Variants in KLHL32 observed in about 807,000 individuals in gnomAD.
The protein encoded by KLHL32 is kelch-like protein 32.
In KLHL32, 35 loss-of-function variants were observed where a neutral mutation model predicts 64.8. That is an observed-to-expected ratio of 0.54 (90% confidence interval 0.41 to 0.72). The LOEUF (loss-of-function observed/expected upper bound fraction) is 0.72, where lower values mean the gene tolerates loss of function less well. Ranked by LOEUF, KLHL32 falls within the 30% of genes least tolerant of loss-of-function variation. KLHL32 has a pLI of 0.00. For synonymous variants in KLHL32, 259 were observed against 281.0 expected (o/e 0.92, Z 0.78); for missense variants, 589 against 768.5 (o/e 0.77, Z 2.76).
chr6:97,022,762 G>A (rs1485159246), intron 3 of KLHL32, among the ~76,000 whole-genome samples: 3 of 152,244 alleles, frequency 2.0e-5, no homozygotes, highest in East Asian at 1.9e-4. Flanking sequence ...GAGCCATGGC[G>A]CCCAGCCCTG....
chr6:96,913,403 G>T, the KLHL32 span, among the ~76,000 whole-genome samples: 41,487 of 152,030 alleles, frequency 0.27, 5,888 homozygotes, highest in East Asian at 0.45. Context: ...CACTTTAAAT[G>T]GATACATACC....
At chr6:97,005,030 G>A (rs559068355) in intron 3 of KLHL32, among the ~76,000 whole-genome samples, 9 of 152,080 alleles carry the variant, frequency 5.9e-5, no homozygotes, top group Non-Finnish European at 1.2e-4. Context: ...CCTCCCCAAT[G>A]TTTTTGAATA....
At chr6:96,986,265 G>C (rs1460261574) in intron 3 of KLHL32, among the ~76,000 whole-genome samples, 1 of 152,162 alleles carries the variant, frequency 6.6e-6, no homozygotes, top group Non-Finnish European at 1.5e-5. Flanking sequence ...GGCCGTGTGA[G>C]GTGTCAGTCT....
chr6:97,027,022 CGTGGTG>C (rs1187710129), intron 3 of KLHL32, among the ~76,000 whole-genome samples: 6 of 151,790 alleles, frequency 4.0e-5, no homozygotes, highest in African/African-American at 1.5e-4. Flanking sequence ...ACCAGCTGGG[CGTGGTG>C]GCGTGCACCT....
At chr6:97,113,692 G>C in intron 6 of KLHL32, 91 bp from the exon 7 acceptor site, 1 of 1,436,608 alleles carries the variant, frequency 7.0e-7, no homozygotes, top group South Asian at 1.3e-5. Flanking sequence ...TTACCTGCCT[G>C]GAAGAATACA....
At position 96,928,291 on chromosome 6, in the gene KLHL32, A is replaced by G. The variant is rs74932422; in HGVS notation, c.-66+3265A>G. On this transcript the variant is annotated intron_variant, in intron 1 of 10. Transcript: ENST00000369261. ...ATCCTTATAGCTATTGAAAGATGGG[A>G]GTCTCCACCAGACAGTCTGTTGGAA... 1.1e-3 allele frequency among the ~76,000 whole-genome samples: 172 copies of G among 152,296 alleles called. 4 individuals carry two copies. In the East Asian group the frequency reaches 0.028, roughly 25 times the overall value.
At chr6:96,953,919 G>T (rs1228878327) in intron 1 of KLHL32, among the ~76,000 whole-genome samples, 1 of 150,146 alleles carries the variant, frequency 6.7e-6, no homozygotes, top group Non-Finnish European at 1.5e-5. Context: ...CTCTCCTCTA[G>T]CTGTAAATTG....
chr6:97,007,094 G>C (rs1191261395), intron 3 of KLHL32, among the ~76,000 whole-genome samples: 2 of 152,024 alleles, frequency 1.3e-5, no homozygotes, highest in Non-Finnish European at 2.9e-5. Flanking sequence ...TTTCTAAGTT[G>C]CTTGTTTTTT....
chr6:96,943,247 C>T (rs1007277188), intron 1 of KLHL32, among the ~76,000 whole-genome samples: 2 of 152,086 alleles, frequency 1.3e-5, no homozygotes, highest in African/African-American at 4.8e-5. Context: ...TTATTCTTTT[C>T]CTCAAAATGG....
chr6:97,139,097 GCTT>G (rs1162114553), intron 10 of KLHL32, 21 bp from the exon 11 acceptor site: 1 of 1,596,450 alleles, frequency 6.3e-7, no homozygotes, highest in East Asian at 2.2e-5. Flanking sequence ...TGATACACAA[GCTT>G]CTTCTCTTCC....
At chr6:96,996,503 T>C (rs183762168) in intron 3 of KLHL32, among the ~76,000 whole-genome samples, 34 of 152,126 alleles carry the variant, frequency 2.2e-4, no homozygotes, top group African/African-American at 7.7e-4. Flanking sequence ...AATAAATAGG[T>C]TTTTAAAAAT....
intron 1 of KLHL32, among the ~76,000 whole-genome samples, chr6:96,951,154 G>A (rs1237578122): frequency 2.6e-5 from 4 of 152,058 alleles, no homozygotes; most frequent in Non-Finnish European, 5.9e-5. Context: ...ACATGGGTCA[G>A]ACTCACATGG....
At chr6:97,057,588 AT>A (rs1788213500) in intron 4 of KLHL32, among the ~76,000 whole-genome samples, 1 of 142,540 alleles carries the variant, frequency 7.0e-6, no homozygotes, top group African/African-American at 2.7e-5. Flanking sequence ...CAGATGGTTC[AT>A]TTTTTTCATT....
chr6:96,904,177 A>G, the KLHL32 span, among the ~76,000 whole-genome samples: 1 of 151,954 alleles, frequency 6.6e-6, no homozygotes, highest in South Asian at 2.1e-4. Flanking sequence ...CCCCGTCTCT[A>G]CTATAAATAC....
chr6:97,033,070 A>G (rs1469514446), intron 3 of KLHL32, among the ~76,000 whole-genome samples: 2 of 152,186 alleles, frequency 1.3e-5, no homozygotes, highest in East Asian at 3.8e-4. Context: ...ACCACAAAAT[A>G]TAAATTTTAC....
At chr6:97,051,746 T>G (rs1786941495) in intron 4 of KLHL32, among the ~76,000 whole-genome samples, 1 of 152,202 alleles carries the variant, frequency 6.6e-6, no homozygotes, top group Non-Finnish European at 1.5e-5. Context: ...GGAGGGAAGT[T>G]AATCATTTAT....
At chr6:97,075,934 T>G (rs927058143) in intron 5 of KLHL32, among the ~76,000 whole-genome samples, 2 of 152,226 alleles carry the variant, frequency 1.3e-5, no homozygotes, top group African/African-American at 4.8e-5. Context: ...ATCTCCATAG[T>G]GTGCTCCCAG....
intron 3 of KLHL32, chr6:97,010,347 A>G (rs1780237999): frequency 6.6e-6 from 1 of 152,018 alleles, no homozygotes; most frequent in African/African-American, 2.4e-5. Context: ...AAGAGTCAGG[A>G]CTTGTTCATA....
intron 3 of KLHL32, among the ~76,000 whole-genome samples, chr6:97,040,497 AG>A (rs1412686895): frequency 6.6e-6 from 1 of 152,104 alleles, no homozygotes; most frequent in Non-Finnish European, 1.5e-5. Context: ...AGTCACCTGG[AG>A]GGCCTATTAC....
Sources: gnomAD v4.1 joint callset for allele counts (sites outside exome capture counted in the v4.1 genomes callset) on GRCh38, gnomAD v4.1.1 for gene constraint, MANE v1.5 for transcripts, NCBI Gene and HGNC (gene_info 2026-07-23, HGNC 2026-07-21) for gene names.